COL22A1: variants seen among roughly 807,000 people sequenced by gnomAD.
The protein encoded by COL22A1 is collagen alpha-1(XXII) chain.
In COL22A1, 221 loss-of-function variants were observed where a neutral mutation model predicts 248.9. That is an observed-to-expected ratio of 0.89 (90% confidence interval 0.80 to 0.99). The LOEUF (loss-of-function observed/expected upper bound fraction) is 0.99. Ranked by LOEUF, COL22A1 falls within the 50% of genes least tolerant of loss-of-function variation. The probability of loss-of-function intolerance (pLI) is 0.00; values close to 1 mark genes in which losing one functional copy is unlikely to be tolerated. For synonymous variants in COL22A1, 891 were observed against 793.4 expected, an observed-to-expected ratio of 1.12 and a Z score of -2.07; for missense variants, 2,240 against 2,179.0, an observed-to-expected ratio of 1.03 and a Z score of -0.56.
chr8:138,667,792 G>A (rs1824642842), intron 41 of COL22A1, among the ~76,000 whole-genome samples: 1 of 151,784 alleles, frequency 6.6e-6, no homozygotes, highest in African/African-American at 2.4e-5. Context: ...GACATCACAG[G>A]GTGAATGCAT....
At chr8:138,692,246 A>AGGTGTGTGTGCG (rs1564201589) in intron 35 of COL22A1, among the ~76,000 whole-genome samples, 1 of 7,978 alleles carries the variant, frequency 1.3e-4, no homozygotes, top group Non-Finnish European at 3.0e-4. Flanking sequence ...ATGTTTGTGG[A>AGGTGTGTGTGCG]CGTATGTGTG....
rs180863939 is a variant in COL22A1, at chr8:138,669,223, G to A, written c.3151-5483C>T. ...AGAGGCCAGAGGCCAGGCACCTGGG[G>A]AGACCAGCGGGAAAACGCACGAGTG... On this transcript the variant is annotated intron_variant, in intron 41 of 64. Transcript: ENST00000303045. Among the ~76,000 whole-genome samples, 543 of 152,328 alleles carry A rather than the reference G, an allele frequency of 3.6e-3. 7 individuals carry two copies. The highest frequency in any genetic ancestry group is 0.012 in the African/African-American group (505 of 41,578).
In COL22A1 at chr8:138,634,993, TA is replaced by T; in HGVS notation, c.3609+16del. 6.4e-7 allele frequency: 1 copy of T among 1,556,992 alleles called. No individual in the cohort carries two copies. Among genetic ancestry groups the T allele is most frequent in the Non-Finnish European group, 8.9e-7 (1 of 1,128,728 alleles). Reference sequence around the variant, plus strand: ...TGTCAAGGCCGAAAGAGGAGGGGATTAAAGATGATTACTTACTGGTGGCCCA... The same window carrying T: ...TGTCAAGGCCGAAAGAGGAGGGGATTAAGATGATTACTTACTGGTGGCCCA... On this transcript the variant is annotated intron_variant, in intron 49 of 64. Transcript: ENST00000303045.
chr8:138,766,410 T>G (rs1833913494), intron 16 of COL22A1, among the ~76,000 whole-genome samples: 1 of 147,262 alleles, frequency 6.8e-6, no homozygotes, highest in African/African-American at 2.5e-5. Flanking sequence ...AGAGGATACA[T>G]GAGGGAAGGA....
At chr8:138,910,915 C>T (rs1294307129) in intron 1 of COL22A1, among the ~76,000 whole-genome samples, 1 of 152,206 alleles carries the variant, frequency 6.6e-6, no homozygotes, top group Non-Finnish European at 1.5e-5. Flanking sequence ...AGTAACCACA[C>T]CACCCATGTT....
At position 138,694,512 on chromosome 8, in the gene COL22A1, G is replaced by A. The variant is rs754874425; in HGVS notation, c.2696C>T (p.Pro899Leu). 2.5e-6 allele frequency: 4 copies of A among 1,613,988 alleles called. No individual in the cohort carries two copies. Among genetic ancestry groups the A allele is most frequent in the Non-Finnish European group, 8.5e-7 (1 of 1,179,908 alleles). ...GELGPQGPTGPPGAKGQEGAH... is the reference protein window; with the variant it reads ...GELGPQGPTGLPGAKGQEGAH... Reference sequence around the variant, plus strand: ...GGGAAGGGATGGTTTTCTTACCGGTGGTCCAGTGGGTCCCTGAGGCCCCAA... The same window carrying A: ...GGGAAGGGATGGTTTTCTTACCGGTAGTCCAGTGGGTCCCTGAGGCCCCAA... Residue 899 changes from proline to leucine, a missense_variant, in exon 34 of 65, where the codon CCA (proline) becomes CTA (leucine). Physicochemically the swap from Pro to Leu is moderately conservative, Grantham distance 98. Coordinates refer to ENST00000303045, the MANE Select transcript of COL22A1 (RefSeq NM_152888.3).
chr8:138,842,604 C>A lies in COL22A1; in HGVS notation c.733+1480G>T, dbSNP rs151211950. Among the ~76,000 whole-genome samples the A allele has an allele frequency of 3.8e-4, 58 of 152,346 alleles. No individual in the cohort carries two copies. In the East Asian group the frequency reaches 0.011, roughly 28 times the overall value. ...AAAAAGTGGGAATGTTGAAGTGAAA[C>A]TGACCAGAAGGTTTACACCTTGGCA... is the stretch of plus-strand genomic sequence containing the variant. On this transcript the variant is annotated intron_variant, in intron 4 of 64. Transcript: ENST00000303045.
intron 35 of COL22A1, 34 bp from the exon 36 acceptor site, chr8:138,690,908 G>A (rs373419246): frequency 1.2e-5 from 19 of 1,574,590 alleles, no homozygotes; most frequent in Admixed American, 1.8e-5. Context: ...AAGGCCAAAC[G>A]CATTGATTAG....
intron 47 of COL22A1, among the ~76,000 whole-genome samples, chr8:138,638,421 C>T (rs977409823): frequency 2.6e-5 from 4 of 152,092 alleles, no homozygotes; most frequent in Non-Finnish European, 5.9e-5. Context: ...GGGGCAGGTC[C>T]ATCTAGGAGG....
At chr8:138,718,956 T>C (rs2131117858) in intron 27 of COL22A1, among the ~76,000 whole-genome samples, 1 of 152,302 alleles carries the variant, frequency 6.6e-6, no homozygotes, top group South Asian at 2.1e-4. Context: ...GAACCCTGCA[T>C]GAGAAACTCG....
intron 41 of COL22A1, among the ~76,000 whole-genome samples, chr8:138,672,564 C>T (rs756976711): frequency 6.6e-6 from 1 of 152,122 alleles, no homozygotes; most frequent in Non-Finnish European, 1.5e-5. Flanking sequence ...TTTGTATGTG[C>T]GTCCTCAATG....
rs549605701 is a variant in COL22A1 at position 138,618,983 on chromosome 8, C to T, written c.3825+472G>A. On this transcript the variant is annotated intron_variant, in intron 53 of 64. Transcript: ENST00000303045. ...AATACACTGAATATTAAAAACTTTA[C>T]TTCTTTGTTATAGAATTAGAAGTAA... 1.5e-4 allele frequency among the ~76,000 whole-genome samples: 23 copies of T among 152,146 alleles called. No individual in the cohort carries two copies. The East Asian group carries it at 4.4e-3, about 29-fold the overall frequency.
At chr8:138,663,873 C>T (rs1322568537) in intron 41 of COL22A1, 133 bp from the exon 42 acceptor site, 2 of 705,898 alleles carry the variant, frequency 2.8e-6, no homozygotes, top group Non-Finnish European at 2.5e-6. Flanking sequence ...ACCTTGAAGC[C>T]ACACTGCCAT....
At chr8:138,846,179 C>T (rs1298359354) in intron 3 of COL22A1, among the ~76,000 whole-genome samples, 2 of 152,132 alleles carry the variant, frequency 1.3e-5, no homozygotes, top group Non-Finnish European at 2.9e-5. Context: ...ACAGCTCTAC[C>T]CAGGACAGCA....
chr8:138,632,836 T>G (rs1265837739), intron 49 of COL22A1, among the ~76,000 whole-genome samples: 1 of 152,196 alleles, frequency 6.6e-6, no homozygotes, highest in Non-Finnish European at 1.5e-5. Flanking sequence ...TAATTAAATA[T>G]GTAGTCCAAA....
rs546867416 is a variant in COL22A1 at position 138,676,289 on chromosome 8, G to A, written c.3150+269C>T. ...CAGGCACCTGTAATCTCCGTTACTC[G>A]GGAGGCTGAGGCAGGAGAATCACTT... On this transcript the variant is annotated intron_variant, in intron 41 of 64. Transcript: ENST00000303045. Among the ~76,000 whole-genome samples the A allele has an allele frequency of 8.9e-4, 89 of 99,918 alleles. 1 individual carries two copies. The highest frequency in any genetic ancestry group is 2.4e-3 in the African/African-American group (84 of 35,732). 65.6% of individuals were successfully genotyped at this position (99,918 alleles called of 152,430 possible).
chr8:138,688,794 C>G, intron 37 of COL22A1, 123 bp downstream of exon 37: 1 of 773,252 alleles, frequency 1.3e-6, no homozygotes, highest in Non-Finnish European at 2.3e-6. Flanking sequence ...CTCCCTCCTA[C>G]TTAGTAAACC....
At chr8:138,649,481 C>T (rs1765185262) in intron 46 of COL22A1, among the ~76,000 whole-genome samples, 184 bp downstream of exon 46, 2 of 152,100 alleles carry the variant, frequency 1.3e-5, no homozygotes, top group Admixed American at 6.5e-5. Context: ...TGACAAAGAC[C>T]CATAGATACC....
chr8:138,805,994 G>C (rs1022682969), intron 10 of COL22A1, among the ~76,000 whole-genome samples: 1 of 128,628 alleles, frequency 7.8e-6, no homozygotes, highest in African/African-American at 3.6e-5. Flanking sequence ...GTGTGTGATG[G>C]TGTGTGTGTG....
Sources: gnomAD v4.1 joint callset for allele counts (sites outside exome capture counted in the v4.1 genomes callset) on GRCh38, gnomAD v4.1.1 for gene constraint, MANE v1.5 for transcripts, NCBI Gene and HGNC (gene_info 2026-07-23, HGNC 2026-07-21) for gene names.